Variants in NREP observed in about 807,000 individuals in gnomAD.
NREP encodes the protein neuronal regeneration-related protein.
Under a neutral mutation model 8.6 loss-of-function variants are expected in NREP, and 5 were observed. The ratio of observed to expected loss-of-function variants is 0.58; its 90% confidence interval spans 0.30 to 1.22. NREP has a LOEUF of 1.22. NREP is among the 50% of genes most tolerant of loss of function. The probability of loss-of-function intolerance (pLI) is 0.07; values close to 1 mark genes in which losing one functional copy is unlikely to be tolerated. For missense variants in NREP, 86 were observed against 82.5 expected, an observed-to-expected ratio of 1.04 and a Z score of -0.17; for synonymous variants, 27 against 28.0, an observed-to-expected ratio of 0.96 and a Z score of 0.11.
chr5:111,786,785 G>C (rs1314758451), intron 2 of NREP, among the ~76,000 whole-genome samples: 2 of 152,188 alleles, frequency 1.3e-5, no homozygotes, highest in African/African-American at 4.8e-5. Context: ...GAAGTTAAAT[G>C]ATCAGAATTT....
upstream of NREP, chr5:111,757,791 C>A: frequency 1.0e-6 from 1 of 974,178 alleles, no homozygotes; most frequent in Non-Finnish European, 1.2e-6. Context: ...CCAGCCTCTC[C>A]GCCTCGACGT....
At chr5:111,763,849 C>G (rs1043060299) in intron 2 of NREP, among the ~76,000 whole-genome samples, 1 of 152,232 alleles carries the variant, frequency 6.6e-6, no homozygotes, top group Non-Finnish European at 1.5e-5. Context: ...TTTGTTCCCC[C>G]TGGAAGAATT....
chr5:111,884,619 A>G (rs192044251), intron 2 of NREP, among the ~76,000 whole-genome samples: 1,966 of 152,198 alleles, frequency 0.013, 97 homozygotes, highest in Admixed American at 0.094. Context: ...CAAAAAGCTT[A>G]TCCACCATGA....
At chr5:111,842,195 A>G (rs1753046087) in intron 2 of NREP, among the ~76,000 whole-genome samples, 2 of 152,170 alleles carry the variant, frequency 1.3e-5, no homozygotes, top group African/African-American at 4.8e-5. Flanking sequence ...AGTCTGTGAT[A>G]TCTCCACTCT....
intron 2 of NREP, among the ~76,000 whole-genome samples, chr5:111,778,619 T>A (rs1284733299): frequency 1.3e-5 from 2 of 152,208 alleles, no homozygotes; most frequent in Non-Finnish European, 2.9e-5. Flanking sequence ...AATTTGCTAA[T>A]GTATTTCACT....
At chr5:111,938,128 A>G (rs1345476313) in intron 2 of NREP, among the ~76,000 whole-genome samples, 1 of 151,952 alleles carries the variant, frequency 6.6e-6, no homozygotes, top group Non-Finnish European at 1.5e-5. Context: ...GCTTTGGTCT[A>G]TGAGTTCTCA....
intron 2 of NREP, among the ~76,000 whole-genome samples, chr5:111,920,008 C>T (rs1199537832): frequency 7.2e-6 from 1 of 139,612 alleles, no homozygotes; most frequent in Non-Finnish European, 1.5e-5. Context: ...AAGTCATATG[C>T]ATGCTCATAT....
chr5:111,874,725 T>G (rs997321400), intron 2 of NREP, among the ~76,000 whole-genome samples: 1 of 152,170 alleles, frequency 6.6e-6, no homozygotes. Flanking sequence ...AGTTGATACC[T>G]TATGACCCAT....
chr5:111,894,765 A>T (rs1232400019), intron 2 of NREP, among the ~76,000 whole-genome samples: 1 of 152,218 alleles, frequency 6.6e-6, no homozygotes, highest in African/African-American at 2.4e-5. Flanking sequence ...AGCCCTATGG[A>T]TGTGATCCTT....
chr5:111,900,213 A>C (rs1247166900), intron 2 of NREP, among the ~76,000 whole-genome samples: 1 of 152,060 alleles, frequency 6.6e-6, no homozygotes, highest in Admixed American at 6.6e-5. Flanking sequence ...TTAAAGAGGA[A>C]ATTTAAAAAT....
chr5:111,849,973 T>C (rs956104789), intron 2 of NREP, among the ~76,000 whole-genome samples: 1 of 152,190 alleles, frequency 6.6e-6, no homozygotes, highest in African/African-American at 2.4e-5. Context: ...GGGACACTGA[T>C]GATTGTGGAC....
intron 2 of NREP, among the ~76,000 whole-genome samples, chr5:111,779,064 T>C (rs1751429849): frequency 6.6e-6 from 1 of 151,994 alleles, no homozygotes; most frequent in Non-Finnish European, 1.5e-5. Flanking sequence ...CAAAAAAGAG[T>C]ACATAAACTT....
intron 2 of NREP, among the ~76,000 whole-genome samples, chr5:111,774,257 GAGGGAGAGAAGGAGGGAGAGAAGA>G (rs1751307188): frequency 8.4e-5 from 10 of 118,696 alleles, no homozygotes; most frequent in African/African-American, 3.7e-4. Flanking sequence ...GGGAGGGAAG[GAGGGAGAGAAGGAGGGAGAGAAGA>G]AGGGAGAGAA....
At chr5:111,893,649 C>A (rs532664617) in intron 2 of NREP, among the ~76,000 whole-genome samples, 31 of 150,104 alleles carry the variant, frequency 2.1e-4, no homozygotes, top group Middle Eastern at 3.4e-3. Context: ...AACAAGTTAA[C>A]CAATTAACAA....
chr5:111,730,995 T>C lies in NREP; in HGVS notation c.133A>G (p.Asn45Asp). 1 of 1,613,950 alleles carries C rather than the reference T, an allele frequency of 6.2e-7. No individual in the cohort carries two copies. The highest frequency in any genetic ancestry group is 8.5e-7 in the Non-Finnish European group (1 of 1,179,854). ...EVNRKKNDET[N>D]AASLTPLGSS... ...CCCAGTGGAGTCAGGGAGGCAGCGT[T>C]TGTCTCATCGTTCTTCTTGCGGTTC... Residue 45 changes from asparagine to aspartate, a missense_variant, in exon 4 of 4, where the codon AAC (asparagine) becomes GAC (aspartate). Coordinates refer to ENST00000257435, the MANE Select transcript of NREP (RefSeq NM_004772.4).
chr5:111,917,086 C>A lies in NREP; in HGVS notation c.135+58188G>T, dbSNP rs554448080. On this transcript the variant is annotated intron_variant, in intron 2 of 3. Coordinates refer to the NREP transcript ENST00000395634. The stretch of plus-strand genomic sequence containing the variant: ...CTTTCGGGGTCTTGTGTCCCTTTTC[C>A]CATGATTCTTTCCTTAGGGTGGGCT... Among the ~76,000 whole-genome samples, 58 of 152,176 alleles carry A rather than the reference C, an allele frequency of 3.8e-4. 1 individual carries two copies. Among genetic ancestry groups the A allele is most frequent in the African/African-American group, 1.3e-3 (56 of 41,510 alleles).
chr5:111,757,506 G>A (rs1013211192), upstream of NREP: 50 of 984,952 alleles, frequency 5.1e-5, no homozygotes, highest in African/African-American at 7.7e-4. Flanking sequence ...CTGGCGCGGA[G>A]CCAGCGCCCC....
At chr5:111,831,657 A>C (rs1022228474) in intron 2 of NREP, among the ~76,000 whole-genome samples, 4 of 152,202 alleles carry the variant, frequency 2.6e-5, no homozygotes, top group Non-Finnish European at 5.9e-5. Flanking sequence ...CCAGAAAGGA[A>C]TCATCTTCTC....
chr5:111,881,163 CAGG>C (rs542526921), intron 2 of NREP, among the ~76,000 whole-genome samples: 173 of 152,308 alleles, frequency 1.1e-3, no homozygotes, highest in African/African-American at 4.1e-3. Context: ...AACGGCGCAC[CAGG>C]AGATTATATC....
Sources: allele counts gnomAD v4.1 joint callset (sites outside exome capture counted in the v4.1 genomes callset), GRCh38; gene constraint gnomAD v4.1.1; transcripts MANE v1.5; gene names NCBI Gene and HGNC (gene_info 2026-07-23, HGNC 2026-07-21).